Variants in APOO observed in about 807,000 individuals in gnomAD.
APOO encodes MICOS complex subunit MIC26.
A neutral mutation model predicts 23.1 loss-of-function variants in APOO; 11 were observed. The observed-to-expected ratio is 0.48, with a 90% CI of 0.30 to 0.79. The LOEUF (loss-of-function observed/expected upper bound fraction) is 0.79. APOO is among the 30% of genes least tolerant of loss of function. The pLI, the probability that APOO is intolerant of heterozygous loss-of-function variation, is 0.07. For synonymous variants in APOO, 59 were observed against 54.8 expected (o/e 1.08, Z -0.34); for missense variants, 160 against 142.7 (o/e 1.12, Z -0.62).
intron 5 of APOO, among the ~76,000 whole-genome samples, chrX:23,866,041 GA>G (rs1925321266): frequency 9.0e-6 from 1 of 110,782 alleles, no homozygotes; most frequent in African/African-American, 3.3e-5. Flanking sequence ...CATCCTAGTG[GA>G]TGTTCCAGGG....
rs1396973693 is a variant in APOO at position 23,868,584 on chromosome X, T to C, written c.388+9A>G. The C allele has an allele frequency of 8.3e-7, 1 of 1,199,171 alleles. No homozygotes were observed. The highest frequency in any genetic ancestry group is 2.2e-5 in the Admixed American group (1 of 45,295). Reference sequence around the variant, plus strand: ...GAGCTGACTGTTAAAGCCATAAAATTGCACCTACCTCTAGCCAAAAGGAGT... The same window carrying C: ...GAGCTGACTGTTAAAGCCATAAAATCGCACCTACCTCTAGCCAAAAGGAGT... On this transcript the variant is annotated intron_variant, in intron 5 of 8. Transcript: ENST00000379226.
chrX:23,835,579 T>C (rs1381032379), intron 8 of APOO, among the ~76,000 whole-genome samples: 1 of 112,180 alleles, frequency 8.9e-6, no homozygotes, highest in Non-Finnish European at 1.9e-5. Context: ...AAGTAGATCA[T>C]GGTAGTCCAT....
chrX:23,841,625 C>T (rs1323009535), intron 7 of APOO, among the ~76,000 whole-genome samples: 1 of 109,660 alleles, frequency 9.1e-6, no homozygotes, highest in Non-Finnish European at 1.9e-5. Context: ...ATACAATTCT[C>T]AGGTCTACTT....
intron 1 of APOO, among the ~76,000 whole-genome samples, chrX:23,903,012 T>G (rs1002341753): frequency 7.1e-5 from 8 of 112,033 alleles, no homozygotes; most frequent in African/African-American, 2.6e-4. Context: ...ACCATTCATC[T>G]ACCGATTGGC....
At chrX:23,860,968 C>T (rs1924995658) in intron 5 of APOO, among the ~76,000 whole-genome samples, 2 of 110,320 alleles carry the variant, frequency 1.8e-5, no homozygotes, top group Non-Finnish European at 3.8e-5. Context: ...AGGGAGACCA[C>T]ATCTCTACAA....
rs1924879573 is a variant in APOO at position 23,858,627 on chromosome X, C to A, written c.480+15G>T. Reference sequence around the variant, plus strand: ...CAAGAATGAGGGACATCATGGATTACAGAGTTTCTCTTACCTGGGCAAACA... The same window carrying A: ...CAAGAATGAGGGACATCATGGATTAAAGAGTTTCTCTTACCTGGGCAAACA... On this transcript the variant is annotated intron_variant, in intron 6 of 8. Coordinates refer to ENST00000379226, the MANE Select transcript of APOO (RefSeq NM_024122.5). 1 of 1,196,545 alleles carries A rather than the reference C, an allele frequency of 8.4e-7. No individual in the cohort carries two copies. The highest frequency in any genetic ancestry group is 1.7e-5 in the African/African-American group (1 of 57,400).
chrX:23,860,939 A>G (rs1924993591), intron 5 of APOO, among the ~76,000 whole-genome samples: 1 of 109,897 alleles, frequency 9.1e-6, no homozygotes, highest in Non-Finnish European at 1.9e-5. Context: ...CAGGAGTTTG[A>G]GACCAGCCTG....
rs1466796618 is a variant in APOO at position 23,907,619 on chromosome X, C to T, written c.9+75G>A. On this transcript the variant is annotated intron_variant, in intron 1 of 8. Transcript: ENST00000379226. The stretch of plus-strand genomic sequence containing the variant: ...GAGCCAGGCCTGGCTGCAGAGAGGC[C>T]CCAAGAGAGCGCGGGGAGGGCTCGG... 3.7e-6 allele frequency: 4 copies of T among 1,089,174 alleles called. No homozygotes were observed. In the African/African-American group the frequency reaches 5.6e-5, roughly 15 times the overall value. The allele number at this position is 1,089,174 out of a possible 1,213,427, so 89.8% of individuals were successfully genotyped here. A position where few individuals can be genotyped will look rare whatever the true frequency, so the allele number is the denominator to read the frequency against.
chrX:23,882,847 A>G (rs1433068571), intron 1 of APOO, among the ~76,000 whole-genome samples: 1 of 110,674 alleles, frequency 9.0e-6, no homozygotes, highest in Non-Finnish European at 1.9e-5. Context: ...GGGTTTTGCC[A>G]TGTTGCCCAG....
At chrX:23,892,341 G>C (rs1039087133) in intron 1 of APOO, among the ~76,000 whole-genome samples, 1 of 106,118 alleles carries the variant, frequency 9.4e-6, no homozygotes, top group African/African-American at 3.4e-5. Context: ...AACCTCCGCC[G>C]TCTCTCGGAT....
intron 1 of APOO, among the ~76,000 whole-genome samples, chrX:23,899,625 ACT>A (rs777626331): frequency 1.8e-5 from 2 of 112,011 alleles, no homozygotes; most frequent in Non-Finnish European, 3.8e-5. Flanking sequence ...CAACTGATAC[ACT>A]CTTTCAATTC....
chrX:23,838,376 A>AAAC (rs1250332641), intron 8 of APOO, among the ~76,000 whole-genome samples: 1 of 85,756 alleles, frequency 1.2e-5, no homozygotes, highest in African/African-American at 5.1e-5. Context: ...AAAAAAAAAA[A>AAAC]AGAAAGAAAG....
At chrX:23,868,966 T>C (rs1371636127) in intron 4 of APOO, among the ~76,000 whole-genome samples, 1 of 106,323 alleles carries the variant, frequency 9.4e-6, no homozygotes, top group African/African-American at 3.4e-5. Context: ...TGGTGTGCAA[T>C]GGCGTGATCT....
intron 1 of APOO, among the ~76,000 whole-genome samples, chrX:23,890,277 C>T (rs771995512): frequency 9.0e-6 from 1 of 111,696 alleles, no homozygotes; most frequent in Admixed American, 9.6e-5. Flanking sequence ...AAACAAAACA[C>T]AACAAATACC....
chrX:23,887,229 C>CTTTTTTTT (rs765596270), intron 1 of APOO, among the ~76,000 whole-genome samples: 29 of 54,227 alleles, frequency 5.3e-4, no homozygotes, highest in Non-Finnish European at 6.3e-4. Context: ...TTCTTTTTCC[C>CTTTTTTTT]TTTTTTTTTT....
intron 1 of APOO, among the ~76,000 whole-genome samples, chrX:23,881,708 G>A (rs58380851): frequency 9.7e-6 from 1 of 103,283 alleles, no homozygotes; most frequent in Non-Finnish European, 2.0e-5. Context: ...GCAGAGGCGG[G>A]TGGGTGGATC....
chrX:23,864,492 G>C (rs185420568), intron 5 of APOO, among the ~76,000 whole-genome samples: 1 of 109,833 alleles, frequency 9.1e-6, no homozygotes, highest in Non-Finnish European at 1.9e-5. Context: ...TAGTAGAGAC[G>C]GGTTTCACCA....
rs142361204 is a variant in APOO, at chrX:23,843,293, T to C, written c.562-2916A>G. ...TTCTTGTTTGGTTACATATCACTTA[T>C]AGTATAACAAAACAGCACAGTCCAA... is the stretch of plus-strand genomic sequence containing the variant. On this transcript the variant is annotated intron_variant, in intron 7 of 8. Coordinates refer to ENST00000379226, the MANE Select transcript of APOO (RefSeq NM_024122.5). Among the ~76,000 whole-genome samples, 343 of 111,287 alleles carry C rather than the reference T, an allele frequency of 3.1e-3. 2 individuals are homozygous for C. Among genetic ancestry groups the C allele is most frequent in the African/African-American group, 0.01 (313 of 30,681 alleles).
chrX:23,866,035 C>A (rs1312818961), intron 5 of APOO, among the ~76,000 whole-genome samples: 1 of 110,914 alleles, frequency 9.0e-6, no homozygotes, highest in Admixed American at 9.7e-5. Context: ...GATGGTCATC[C>A]TAGTGGATGT....
Sources: allele counts gnomAD v4.1 joint callset (sites outside exome capture counted in the v4.1 genomes callset), GRCh38; gene constraint gnomAD v4.1.1; transcripts MANE v1.5; gene names NCBI Gene and HGNC (gene_info 2026-07-23, HGNC 2026-07-21).